Variants in OTOG observed in about 807,000 individuals in gnomAD.
OTOG encodes the protein otogelin.
Under a neutral mutation model 313.8 loss-of-function variants are expected in OTOG, and 296 were observed. The observed-to-expected ratio is 0.94, with a 90% CI of 0.86 to 1.04. The LOEUF (loss-of-function observed/expected upper bound fraction) is 1.04. OTOG is among the 50% of genes least tolerant of loss of function. The probability of loss-of-function intolerance (pLI) is 0.00; values close to 1 mark genes in which losing one functional copy is unlikely to be tolerated. For synonymous variants in OTOG, 1,533 were observed against 1,554.9 expected (o/e 0.99, Z 0.33); for missense variants, 3,948 against 3,840.1 (o/e 1.03, Z -0.74).
intron 4 of OTOG, among the ~76,000 whole-genome samples, chr11:17,552,585 T>C (rs4989389): frequency 0.19 from 10,273 of 54,810 alleles, 183 homozygotes; most frequent in Middle Eastern, 0.3. Context: ...GTCCTGTGTC[T>C]CCCACCTGTC....
intron 18 of OTOG, 84 bp downstream of exon 18, chr11:17,572,288 C>A (rs533747831): frequency 1.3e-6 from 2 of 1,506,758 alleles, no homozygotes; most frequent in Non-Finnish European, 1.8e-6. Flanking sequence ...GAACTCCGGG[C>A]AGGAGAGTGC....
At chr11:17,550,071 C>T (rs1251578973) in intron 3 of OTOG, among the ~76,000 whole-genome samples, 1 of 152,180 alleles carries the variant, frequency 6.6e-6, no homozygotes, top group African/African-American at 2.4e-5. Flanking sequence ...TTTACAGAAA[C>T]CTCAATCCAA....
At chr11:17,613,195 T>TTTTCTTTTCTTTC (rs1853616442) in intron 38 of OTOG, among the ~76,000 whole-genome samples, 8 of 65,364 alleles carry the variant, frequency 1.2e-4, no homozygotes, top group East Asian at 9.8e-4. Context: ...TCTTTCTTTC[T>TTTTCTTTTCTTTC]TTTCTTTCTT....
intron 53 of OTOG, among the ~76,000 whole-genome samples, chr11:17,642,520 G>A (rs958479527): frequency 1.3e-5 from 2 of 152,126 alleles, no homozygotes; most frequent in African/African-American, 4.8e-5. Flanking sequence ...ACCAACACAG[G>A]TCACCAGTCA....
intron 32 of OTOG, among the ~76,000 whole-genome samples, chr11:17,604,433 C>T (rs1853331885): frequency 6.6e-6 from 1 of 152,194 alleles, no homozygotes; most frequent in Non-Finnish European, 1.5e-5. Flanking sequence ...CTGGGCTGCC[C>T]ATGCCCACGC....
intron 32 of OTOG, among the ~76,000 whole-genome samples, chr11:17,603,967 C>T (rs1222533980): frequency 5.9e-5 from 9 of 152,122 alleles, no homozygotes; most frequent in Non-Finnish European, 1.2e-4. Flanking sequence ...CTGTTCTAAG[C>T]GCTTCATGTA....
At chr11:17,570,575 C>G (rs72870369) in intron 17 of OTOG, 185 bp downstream of exon 17, 24 of 604,870 alleles carry the variant, frequency 4.0e-5, no homozygotes, top group Non-Finnish European at 5.6e-5. Flanking sequence ...TCACAGTCCT[C>G]TATGTGTGGA....
At chr11:17,606,645 A>T (rs1232636460) in intron 33 of OTOG, among the ~76,000 whole-genome samples, 1 of 152,208 alleles carries the variant, frequency 6.6e-6, no homozygotes, top group Admixed American at 6.5e-5. Flanking sequence ...CTGCCCTGCC[A>T]GGTGTGTCTG....
intron 10 of OTOG, 139 bp downstream of exon 10, chr11:17,558,783 G>A (rs1852111594): frequency 3.1e-6 from 3 of 971,202 alleles, no homozygotes; most frequent in South Asian, 3.1e-5. Flanking sequence ...TGCCTAGGTG[G>A]GACAGAGCTG....
chr11:17,552,617 T>TCCCACCTGTCCTGTGTCCCC (rs1851968195), intron 4 of OTOG, among the ~76,000 whole-genome samples: 7 of 151,316 alleles, frequency 4.6e-5, no homozygotes, highest in African/African-American at 1.7e-4. Flanking sequence ...ACCTGTCCTC[T>TCCCACCTGTCCTGTGTCCCC]CACATCATGG....
chr11:17,552,991 G>A, intron 4 of OTOG, 128 bp from the exon 5 acceptor site: 1 of 812,286 alleles, frequency 1.2e-6, no homozygotes, highest in East Asian at 2.7e-5. Context: ...TGTGCTAGCT[G>A]CTGAGGAATG....
intron 15 of OTOG, among the ~76,000 whole-genome samples, chr11:17,562,868 G>T (rs1028022589): frequency 7.9e-5 from 12 of 152,156 alleles, no homozygotes; most frequent in African/African-American, 2.9e-4. Context: ...GGCTGAGCTG[G>T]GTCTTGGAGA....
Position 17,570,323 on chromosome 11 carries a change from C to G in OTOG, c.1888C>G (p.Gln630Glu), listed in dbSNP as rs1852376586. ...EGLRLYLQVDQRWVEDTVGLC... is the reference protein window; with the variant it reads ...EGLRLYLQVDERWVEDTVGLC... ...GCTCCGACTGTACCTGCAAGTGGACCAGCGATGGGTGGAGGATACCGTGGG... is the reference window on the plus strand; with the variant it reads ...GCTCCGACTGTACCTGCAAGTGGACGAGCGATGGGTGGAGGATACCGTGGG... Residue 630 changes from glutamine (Q) to glutamate (E), a missense_variant, in exon 17 of 56, where the codon CAG becomes GAG. By Grantham distance (29) the Gln-to-Glu change is conservative. Coordinates refer to ENST00000399397, the MANE Select transcript of OTOG (RefSeq NM_001292063.2). 6.4e-7 allele frequency: 1 copy of G among 1,550,638 alleles called. No homozygotes were observed. Among genetic ancestry groups the G allele is most frequent in the South Asian group, 1.2e-5 (1 of 84,046 alleles).
rs575357896 is a variant in OTOG at position 17,560,022 on chromosome 11, T to C, written c.1342+360T>C. Among the ~76,000 whole-genome samples, 189 of 152,306 alleles carry C rather than the reference T, an allele frequency of 1.2e-3. 1 individual carries two copies. The highest frequency in any genetic ancestry group is 1.9e-3 in the Non-Finnish European group (130 of 68,026). On this transcript the variant is annotated intron_variant, in intron 12 of 55. Coordinates refer to ENST00000399397, the MANE Select transcript of OTOG (RefSeq NM_001292063.2). ...ACAGAACTGCAGCCTCTCGAGAGATTCATCAGGACATTTGATTTCATAGGG... is the reference window on the plus strand; with the variant it reads ...ACAGAACTGCAGCCTCTCGAGAGATCCATCAGGACATTTGATTTCATAGGG...
intron 17 of OTOG, among the ~76,000 whole-genome samples, chr11:17,571,379 G>A (rs1852400604): frequency 6.6e-6 from 1 of 152,168 alleles, no homozygotes; most frequent in Admixed American, 6.5e-5. Context: ...CATGGTGGGT[G>A]CCAGGCAGAA....
chr11:17,574,906 T>C lies in OTOG; in HGVS notation c.2480T>C (p.Val827Ala). 1 of 1,506,144 alleles carries C rather than the reference T, an allele frequency of 6.6e-7. No individual in the cohort carries two copies. Among genetic ancestry groups the C allele is most frequent in the Non-Finnish European group, 8.9e-7 (1 of 1,122,212 alleles). The allele number at this position is 1,506,144 out of a possible 1,614,324, so 93.3% of individuals were successfully genotyped here. A position where few individuals can be genotyped will look rare whatever the true frequency, so the allele number is the denominator to read the frequency against. ...CTGGACACCCAGGCTGACCTCTGTG[T>C]CCCCCGGTGAGTGGGTCAGCTTGAT... ...TYLDTQADLC[V>A]PRNQCSCHFQ... The change falls in exon 20 of 56, where the codon GTC becomes GCC. Residue 827 changes from valine (V) to alanine (A), a missense_variant. By Grantham distance (64) the Val-to-Ala change is moderately conservative. Coordinates refer to ENST00000399397, the MANE Select transcript of OTOG (RefSeq NM_001292063.2).
chr11:17,569,429 T>G, intron 16 of OTOG, 141 bp downstream of exon 16: 1 of 1,232,024 alleles, frequency 8.1e-7, no homozygotes, highest in Non-Finnish European at 1.1e-6. Flanking sequence ...GGGGACACTT[T>G]GGTTGCAAAA....
Position 17,610,186 on chromosome 11 carries a change from C to G in OTOG, c.4886C>G (p.Pro1629Arg). Residue 1629 changes from proline to arginine, a missense_variant, in exon 36 of 56, where the codon CCT becomes CGT. Physicochemically the swap from Pro to Arg is moderately radical, Grantham distance 103. Coordinates refer to ENST00000399397, the MANE Select transcript of OTOG (RefSeq NM_001292063.2). ...AVTVRGHGSL[P>R]VRTTPPQPSL... ...ACAGTCCGAGGCCATGGCTCCTTGCCTGTTAGGACGACACCCCCACAGCCC... is the reference window on the plus strand; with the variant it reads ...ACAGTCCGAGGCCATGGCTCCTTGCGTGTTAGGACGACACCCCCACAGCCC... 2 of 1,550,628 alleles carry G rather than the reference C, an allele frequency of 1.3e-6. No homozygotes were observed. The highest frequency in any genetic ancestry group is 1.7e-6 in the Non-Finnish European group (2 of 1,146,978).
intron 16 of OTOG, among the ~76,000 whole-genome samples, chr11:17,569,864 T>G (rs1163830409): frequency 6.6e-6 from 1 of 152,220 alleles, no homozygotes; most frequent in East Asian, 1.9e-4. Context: ...AACTGTGTTG[T>G]GGCCACTGTG....
Sources: allele counts gnomAD v4.1 joint callset (sites outside exome capture counted in the v4.1 genomes callset), GRCh38; gene constraint gnomAD v4.1.1; transcripts MANE v1.5; gene names NCBI Gene and HGNC (gene_info 2026-07-23, HGNC 2026-07-21).